PLEKHG1: variants seen among roughly 807,000 people sequenced by gnomAD.
PLEKHG1 encodes the protein pleckstrin homology and RhoGEF domain containing G1, also known as pleckstrin homology domain-containing family G member 1.
In PLEKHG1, 44 loss-of-function variants were observed where a neutral mutation model predicts 100.8. That is an observed-to-expected ratio of 0.44 (90% CI 0.34 to 0.56). PLEKHG1 has a LOEUF of 0.56. PLEKHG1 is among the 20% of genes least tolerant of loss of function. The pLI is 0.01. For synonymous variants in PLEKHG1, 640 were observed against 662.5 expected (o/e 0.97, Z 0.52); for missense variants, 1,545 against 1,720.9 (o/e 0.90, Z 1.81).
At chr6:150,750,613 T>C (rs955056313) in intron 2 of PLEKHG1, among the ~76,000 whole-genome samples, 5 of 151,378 alleles carry the variant, frequency 3.3e-5, no homozygotes, top group South Asian at 2.1e-4. Flanking sequence ...ACCCCGTCTC[T>C]ACTAAAAATA....
chr6:150,738,568 G>T (rs1271643720), intron 2 of PLEKHG1, among the ~76,000 whole-genome samples: 1 of 152,072 alleles, frequency 6.6e-6, no homozygotes, highest in Non-Finnish European at 1.5e-5. Context: ...ACATATTTAG[G>T]TATCTTTCTT....
chr6:150,818,245 A>G, intron 11 of PLEKHG1, 29 bp downstream of exon 12: 1 of 1,488,374 alleles, frequency 6.7e-7, no homozygotes, highest in Non-Finnish European at 9.4e-7. Flanking sequence ...AAACAATTTG[A>G]AATTTCATTG....
rs1180068485 is a variant in PLEKHG1 at position 150,801,432 on chromosome 6, CTTTTCTT to C, written c.780+568_780+574del. Among the ~76,000 whole-genome samples the C allele has an allele frequency of 4.6e-3, 576 of 125,818 alleles. 4 individuals are homozygous for C. The highest frequency in any genetic ancestry group is 0.016 in the African/African-American group (543 of 34,022). 82.5% of individuals were successfully genotyped at this position (125,818 alleles called of 152,430 possible). ...TAGCTCTTAAATTCTTTTTTCTTTT[CTTTTCTT>C]TTTTTTTTTTTTTTTTGAGACAGGG... On this transcript the variant is annotated intron_variant, in intron 6 of 15. Coordinates refer to ENST00000358517, the Ensembl canonical transcript of PLEKHG1.
intron 1 of PLEKHG1, among the ~76,000 whole-genome samples, chr6:150,614,961 C>T (rs1187837254): frequency 6.6e-6 from 1 of 152,148 alleles, no homozygotes; most frequent in Non-Finnish European, 1.5e-5. Context: ...TGTATCACCT[C>T]TCTGAAATTA....
intron 3 of PLEKHG1, among the ~76,000 whole-genome samples, chr6:150,770,817 G>A (rs1411054374): frequency 6.6e-6 from 1 of 152,220 alleles, no homozygotes; most frequent in Non-Finnish European, 1.5e-5. Context: ...AACCCAGAAA[G>A]AGGCAAGAGG....
intron 3 of PLEKHG1, among the ~76,000 whole-genome samples, chr6:150,694,782 A>G (rs945406105): frequency 6.6e-6 from 1 of 152,142 alleles, no homozygotes; most frequent in African/African-American, 2.4e-5. Context: ...AATGATTTAT[A>G]TTATTAAGTA....
At chr6:150,704,604 G>A (rs1296601200) in intron 3 of PLEKHG1, among the ~76,000 whole-genome samples, 6 of 152,222 alleles carry the variant, frequency 3.9e-5, no homozygotes, top group Non-Finnish European at 2.9e-5. Flanking sequence ...AAGAGTTCAG[G>A]TACCTTTGCC....
chr6:150,809,225 G>A lies in PLEKHG1; in HGVS notation c.1033G>A (p.Asp345Asn), dbSNP rs750832410. 3.2e-5 allele frequency: 51 copies of A among 1,614,044 alleles called. 1 individual carries two copies. Among genetic ancestry groups the A allele is most frequent in the South Asian group, 5.5e-5 (5 of 91,070 alleles). Residue 345 changes from aspartate (D) to asparagine (N), a missense_variant, in exon 8 of 16, where the codon GAC (aspartate) becomes AAC (asparagine). Physicochemically the swap from Asp to Asn is conservative, Grantham distance 23 (BLOSUM62 1). Coordinates refer to ENST00000358517, the Ensembl canonical transcript of PLEKHG1. Reference sequence around the variant, plus strand: ...GAATGAGCGGACGCTCTTCCTCTTCGACAAGCTGCTGCTCATCACGAAGAA... The same window carrying A: ...GAATGAGCGGACGCTCTTCCTCTTCAACAAGCTGCTGCTCATCACGAAGAA...
chr6:150,758,995 T>A (rs1459368280), intron 2 of PLEKHG1, among the ~76,000 whole-genome samples: 1 of 152,218 alleles, frequency 6.6e-6, no homozygotes, highest in Non-Finnish European at 1.5e-5. Context: ...GCTGATCGAA[T>A]GCGTCTGCCC....
At chr6:150,697,426 T>C (rs1007675668) in intron 3 of PLEKHG1, among the ~76,000 whole-genome samples, 4 of 152,192 alleles carry the variant, frequency 2.6e-5, no homozygotes. Flanking sequence ...CTTAAGGCAC[T>C]AGCCTTAAAG....
At chr6:150,663,541 C>T in intron 3 of PLEKHG1, 1 of 140,184 alleles carries the variant, frequency 7.1e-6, no homozygotes, top group East Asian at 2.1e-4. Context: ...TTTCTTTTCT[C>T]TCTCTCTCTC....
At chr6:150,751,345 G>T (rs919331272) in intron 2 of PLEKHG1, among the ~76,000 whole-genome samples, 3 of 151,850 alleles carry the variant, frequency 2.0e-5, no homozygotes, top group Non-Finnish European at 4.4e-5. Context: ...GAGCACACAG[G>T]TCTGGGCTTC....
chr6:150,738,980 T>G (rs1782708860), intron 2 of PLEKHG1, among the ~76,000 whole-genome samples: 1 of 152,220 alleles, frequency 6.6e-6, no homozygotes, highest in Non-Finnish European at 1.5e-5. Context: ...GTTTGTTTAA[T>G]GTTTAATGGG....
chr6:150,736,536 A>G (rs1782571287), intron 2 of PLEKHG1, among the ~76,000 whole-genome samples: 1 of 152,204 alleles, frequency 6.6e-6, no homozygotes, highest in Admixed American at 6.5e-5. Context: ...TGGGAGGCCG[A>G]GGCGGGCGGA....
At chr6:150,775,308 T>C (rs1784905639) in intron 3 of PLEKHG1, among the ~76,000 whole-genome samples, 2 of 152,222 alleles carry the variant, frequency 1.3e-5, no homozygotes, top group Admixed American at 1.3e-4. Context: ...AATTTGAGCC[T>C]TTCTTTAAGA....
intron 2 of PLEKHG1, among the ~76,000 whole-genome samples, chr6:150,750,244 A>G (rs1783428874): frequency 6.6e-6 from 1 of 152,226 alleles, no homozygotes; most frequent in African/African-American, 2.4e-5. Flanking sequence ...TTAAGCGACT[A>G]AAGGCTATTG....
chr6:150,665,056 G>T (rs1331559236), intron 3 of PLEKHG1, among the ~76,000 whole-genome samples: 1 of 152,106 alleles, frequency 6.6e-6, no homozygotes, highest in Non-Finnish European at 1.5e-5. Context: ...CAGGCTCCTT[G>T]GGGTATTTAG....
At chr6:150,712,362 G>C (rs1781271710) in intron 3 of PLEKHG1, among the ~76,000 whole-genome samples, 1 of 152,176 alleles carries the variant, frequency 6.6e-6, no homozygotes, top group Non-Finnish European at 1.5e-5. Context: ...GAAAGATTGG[G>C]CTGGGGGTGT....
At chr6:150,823,432 C>T (rs1279102392) in intron 13 of PLEKHG1, among the ~76,000 whole-genome samples, 7 of 152,116 alleles carry the variant, frequency 4.6e-5, no homozygotes, top group Admixed American at 2.6e-4. Context: ...TTAAGGAAGA[C>T]AACTAGTGCT....
Sources: gnomAD v4.1 joint callset for allele counts (sites outside exome capture counted in the v4.1 genomes callset) on GRCh38, gnomAD v4.1.1 for gene constraint, MANE v1.5 for transcripts, NCBI Gene and HGNC (gene_info 2026-07-23, HGNC 2026-07-21) for gene names.